Variants in INCENP observed in about 807,000 individuals in gnomAD.
INCENP encodes inner centromere protein.
INCENP carries 43 observed loss-of-function variants against 107.3 expected under a neutral mutation model. The observed-to-expected ratio is 0.40, with a 90% CI of 0.31 to 0.52. The LOEUF (loss-of-function observed/expected upper bound fraction) is 0.52. INCENP is among the 20% of genes least tolerant of loss of function. INCENP has a pLI of 0.53. For missense variants in INCENP, 1,089 were observed against 1,250.9 expected, an observed-to-expected ratio of 0.87 and a Z score of 1.95; for synonymous variants, 488 against 494.4, an observed-to-expected ratio of 0.99 and a Z score of 0.17.
At position 62,140,746 on chromosome 11, in the gene INCENP, G is replaced by A. The variant is rs780987375; in HGVS notation, c.1386G>A (p.Glu462=). 28 of 1,604,538 alleles carry A rather than the reference G, an allele frequency of 1.7e-5. No individual in the cohort carries two copies. The highest frequency in any genetic ancestry group is 6.8e-5 in the Admixed American group (4 of 58,820). ...AGCAGGCCGTGAGTGAGCTGGACGA[G>A]GAGCAGCACCTGGAGGATGAGGAGC... The part of the protein sequence containing the change: ...SYKQAVSELD[E]EQHLEDEELQ... The change falls in exon 9 of 19, where the codon GAG becomes GAA. Residue 462 remains glutamate (E), a synonymous_variant. Coordinates refer to ENST00000394818, the MANE Select transcript of INCENP (RefSeq NM_001040694.2).
intron 7 of INCENP, among the ~76,000 whole-genome samples, chr11:62,139,985 G>T (rs1359363544): frequency 6.6e-6 from 1 of 152,098 alleles, no homozygotes; most frequent in Non-Finnish European, 1.5e-5. Flanking sequence ...CACTATGTTG[G>T]CCAGGCTGGT....
chr11:62,146,790 C>T lies in INCENP; in HGVS notation c.2092C>T (p.Arg698Cys), dbSNP rs914779064. The change falls in exon 15 of 19, where the codon CGC becomes TGC. Residue 698 changes from arginine (R) to cysteine (C), a missense_variant. Coordinates refer to ENST00000394818, the MANE Select transcript of INCENP (RefSeq NM_001040694.2). ...GCAGGAGCGGCGGGAGCAGGAGCGG[C>T]GCGAGCAGGAGCGGCGCGAGCAGGA... ...REQERREQER[R>C]EQERREQERR... is the part of the protein sequence containing the mutation. 3.5e-5 allele frequency: 54 copies of T among 1,527,922 alleles called. No homozygotes were observed. The East Asian group carries it at 4.5e-4, about 13-fold the overall frequency. 94.6% of individuals were successfully genotyped at this position (1,527,922 alleles called of 1,614,324 possible).
At chr11:62,140,346 G>A in intron 8 of INCENP, 61 bp downstream of exon 8, 1 of 1,429,498 alleles carries the variant, frequency 7.0e-7, no homozygotes, top group Non-Finnish European at 9.9e-7. Flanking sequence ...GTGGCCTTGT[G>A]TCCTTGCTCA....
intron 15 of INCENP, 35 bp downstream of exon 15, chr11:62,146,937 A>C (rs1944264427): frequency 6.3e-7 from 1 of 1,595,626 alleles, no homozygotes; most frequent in South Asian, 1.1e-5. Context: ...CCTGCCTTCC[A>C]TGTGTGTGGA....
intron 4 of INCENP, among the ~76,000 whole-genome samples, chr11:62,131,176 T>A (rs1486583972): frequency 2.6e-5 from 4 of 152,182 alleles, no homozygotes; most frequent in Admixed American, 2.6e-4. Flanking sequence ...CCAAGCTGAC[T>A]CTGGAGCTGG....
At chr11:62,150,730 T>C (rs896602725) in intron 18 of INCENP, among the ~76,000 whole-genome samples, 10 of 152,118 alleles carry the variant, frequency 6.6e-5, no homozygotes, top group African/African-American at 1.7e-4. Flanking sequence ...TAAACCAGAA[T>C]GTGGGTGAGC....
intron 2 of INCENP, among the ~76,000 whole-genome samples, chr11:62,128,508 T>G (rs113809178): frequency 1.5e-4 from 23 of 152,378 alleles, no homozygotes; most frequent in African/African-American, 5.3e-4. Flanking sequence ...GTCCCTTGCC[T>G]ATTCGCCATC....
Position 62,140,305 on chromosome 11 carries a change from T to G in INCENP, c.1343+20T>G. The G allele has an allele frequency of 1.2e-6, 2 of 1,608,586 alleles. No homozygotes were observed. Among genetic ancestry groups the G allele is most frequent in the Non-Finnish European group, 1.7e-6 (2 of 1,175,862 alleles). On this transcript the variant is annotated intron_variant, in intron 8 of 18. Transcript: ENST00000394818. ...TGCCAGGTTTGCATCCGGGAAGGGG[T>G]GTGTAGGTAACTCTGAGGGCCCTGG...
At chr11:62,132,471 A>T (rs1943912269) in intron 4 of INCENP, among the ~76,000 whole-genome samples, 2 of 152,214 alleles carry the variant, frequency 1.3e-5, no homozygotes. Flanking sequence ...GCGTGTGCAG[A>T]TGTGCAGTCT....
Position 62,145,631 on chromosome 11 carries a change from C to A in INCENP, c.1839C>A (p.Ala613=). The stretch of plus-strand genomic sequence containing the variant: ...GCATGTGTGGGTGGGCTCTGCAGGC[C>A]AAGGAGGAGCGGCTGGCAGAGGAGA... ...FAQIDEKTEK[A]KEERLAEEKA... is the part of the protein sequence containing the mutation. The change falls in exon 14 of 19, where the codon GCC becomes GCA. Residue 613 remains alanine (A), a splice_region_variant and synonymous_variant. Transcript: ENST00000394818. 1.3e-6 allele frequency: 2 copies of A among 1,593,598 alleles called. No individual in the cohort carries two copies. Among genetic ancestry groups the A allele is most frequent in the Non-Finnish European group, 1.7e-6 (2 of 1,170,286 alleles).
In INCENP at chr11:62,145,671, G is replaced by A; in HGVS notation, c.1879G>A (p.Ala627Thr). 2 of 1,578,570 alleles carry A rather than the reference G, an allele frequency of 1.3e-6. No individual in the cohort carries two copies. The highest frequency in any genetic ancestry group is 2.3e-5 in the South Asian group (2 of 86,176). Residue 627 changes from alanine to threonine, a missense_variant, in exon 14 of 19, where the codon GCG becomes ACG. Transcript: ENST00000394818. ...GGCAGAGGAGAAGGCCAAGAAAAAG[G>A]CGGCGGCCAAGAAGATGGAGGAGGT... ...RLAEEKAKKK[A>T]AAKKMEEVEA... is the part of the protein sequence containing the mutation.
chr11:62,130,927 C>T (rs1422874324), intron 4 of INCENP, among the ~76,000 whole-genome samples: 3 of 152,326 alleles, frequency 2.0e-5, no homozygotes, highest in Non-Finnish European at 4.4e-5. Flanking sequence ...AACTGAGCTT[C>T]GGGAAGGTCG....
intron 10 of INCENP, 118 bp downstream of exon 10, chr11:62,141,162 G>A (rs1276880907): frequency 5.1e-6 from 7 of 1,373,704 alleles, no homozygotes; most frequent in Non-Finnish European, 6.9e-6. Flanking sequence ...AGTGTGGCCT[G>A]GCACTGTTAG....
At chr11:62,138,186 G>A (rs1204363041) in intron 5 of INCENP, among the ~76,000 whole-genome samples, 2 of 152,160 alleles carry the variant, frequency 1.3e-5, no homozygotes, top group Non-Finnish European at 2.9e-5. Context: ...AACTGGCTGG[G>A]GTAGGATAGG....
At chr11:62,132,816 G>A (rs1943918268) in intron 4 of INCENP, among the ~76,000 whole-genome samples, 1 of 152,154 alleles carries the variant, frequency 6.6e-6, no homozygotes, top group Admixed American at 6.5e-5. Flanking sequence ...AGGGGGTGGA[G>A]GAGAGAGAGG....
intron 11 of INCENP, 69 bp from the exon 12 acceptor site, chr11:62,144,913 C>A: frequency 7.1e-7 from 1 of 1,399,320 alleles, no homozygotes. Context: ...GGACTGTGGG[C>A]AGCTTTTGGG....
Position 62,130,582 on chromosome 11 carries a change from G to A in INCENP, c.1055G>A (p.Arg352His), listed in dbSNP as rs768678317. The A allele has an allele frequency of 1.1e-5, 18 of 1,610,182 alleles. No individual in the cohort carries two copies. The highest frequency in any genetic ancestry group is 1.3e-5 in the African/African-American group (1 of 74,898). Residue 352 changes from arginine to histidine, a missense_variant, in exon 4 of 19, where the codon CGC becomes CAC. By Grantham distance (29) the Arg-to-His change is conservative (BLOSUM62 0). Coordinates refer to ENST00000394818, the MANE Select transcript of INCENP (RefSeq NM_001040694.2). ...GCCGAAGAGCCAGCTGCCTCTGGCC[G>A]CATCATCTGTGAGTCTGGGGGCTTG... is the stretch of plus-strand genomic sequence containing the variant. ...KTAEEPAASG[R>H]IICHSYLERL...
At chr11:62,145,426 A>T (rs983084826) in intron 13 of INCENP, 137 bp downstream of exon 13, 106 of 1,401,214 alleles carry the variant, frequency 7.6e-5, no homozygotes, top group Non-Finnish European at 9.7e-5. Context: ...CCTGGAGTCC[A>T]CTCAGCTCTG....
chr11:62,151,243 C>T (rs568865427), intron 18 of INCENP, among the ~76,000 whole-genome samples: 2 of 152,182 alleles, frequency 1.3e-5, no homozygotes, highest in African/African-American at 4.8e-5. Context: ...TGTCTGGCCT[C>T]CTGATCCCCT....
Sources: gnomAD v4.1 joint callset for allele counts (sites outside exome capture counted in the v4.1 genomes callset) on GRCh38, gnomAD v4.1.1 for gene constraint, MANE v1.5 for transcripts, NCBI Gene and HGNC (gene_info 2026-07-23, HGNC 2026-07-21) for gene names.